The following SEC14L1 variants were observed in gnomAD, a reference collection of about 807,000 sequenced individuals.
SEC14L1 encodes SEC14-like protein 1.
Under a neutral mutation model 85.3 loss-of-function variants are expected in SEC14L1, and 48 were observed. The observed-to-expected ratio is 0.56, with a 90% CI of 0.45 to 0.72. SEC14L1 has a LOEUF of 0.72. Ranked by LOEUF, SEC14L1 falls within the 30% of genes least tolerant of loss-of-function variation. The pLI, the probability that SEC14L1 is intolerant of heterozygous loss-of-function variation, is 0.00. For synonymous variants in SEC14L1, 391 were observed against 355.5 expected (o/e 1.10, Z -1.12); for missense variants, 682 against 921.4 (o/e 0.74, Z 3.36).
upstream of SEC14L1, among the ~76,000 whole-genome samples, chr17:77,137,561 C>T (rs1972834168): frequency 6.6e-6 from 1 of 152,202 alleles, no homozygotes; most frequent in Non-Finnish European, 1.5e-5. Flanking sequence ...GATTACAATT[C>T]AACATGAGAT....
chr17:77,196,601 A>G (rs1975817154), intron 8 of SEC14L1, among the ~76,000 whole-genome samples: 1 of 152,240 alleles, frequency 6.6e-6, no homozygotes, highest in Admixed American at 6.5e-5. Flanking sequence ...TCAAATTTTC[A>G]GAAGGTGTAA....
At chr17:77,186,024 C>T (rs2143767410) in intron 3 of SEC14L1, among the ~76,000 whole-genome samples, 1 of 152,292 alleles carries the variant, frequency 6.6e-6, no homozygotes, top group Admixed American at 6.5e-5. Flanking sequence ...AAAGTAAGAA[C>T]ATTTAAGAAG....
chr17:77,128,382 A>T (rs1972510513), intron 3 of SEC14L1, among the ~76,000 whole-genome samples: 2 of 148,736 alleles, frequency 1.3e-5, no homozygotes, highest in Non-Finnish European at 1.5e-5. Context: ...ATGCATTCAC[A>T]CTTGAGCATT....
intron 3 of SEC14L1, among the ~76,000 whole-genome samples, chr17:77,115,440 AT>A (rs1241988776): frequency 1.3e-5 from 2 of 152,194 alleles, no homozygotes; most frequent in Admixed American, 1.3e-4. Context: ...AAAAAAATAA[AT>A]AAATAAAAAA....
intron 10 of SEC14L1, among the ~76,000 whole-genome samples, chr17:77,204,816 G>A (rs535270105): frequency 6.6e-6 from 1 of 152,260 alleles, no homozygotes; most frequent in East Asian, 1.9e-4. Flanking sequence ...AGATAGGGAT[G>A]GACTTTATCT....
At chr17:77,163,381 C>CT (rs1242617221) in intron 3 of SEC14L1, among the ~76,000 whole-genome samples, 7 of 1,748 alleles carry the variant, frequency 4.0e-3, no homozygotes, top group East Asian at 0.029. Flanking sequence ...TACTGTGACT[C>CT]TAAGACTGGT....
chr17:77,169,528 G>A (rs1358509711), intron 3 of SEC14L1, among the ~76,000 whole-genome samples: 6 of 152,306 alleles, frequency 3.9e-5, no homozygotes, highest in South Asian at 2.1e-4. Flanking sequence ...TTTAATGTGC[G>A]AGCAGAATAT....
intron 3 of SEC14L1, among the ~76,000 whole-genome samples, chr17:77,119,313 A>G (rs1236010479): frequency 1.3e-5 from 2 of 151,810 alleles, no homozygotes; most frequent in Non-Finnish European, 2.9e-5. Context: ...ATCCCAAAAA[A>G]AAAAAAAAAA....
At chr17:77,096,125 GGGCTC>G (rs1398270481) in intron 3 of SEC14L1, among the ~76,000 whole-genome samples, 1 of 150,170 alleles carries the variant, frequency 6.7e-6, no homozygotes, top group Non-Finnish European at 1.5e-5. Flanking sequence ...TTGAACTCCT[GGGCTC>G]AGGTGATCCT....
Position 77,158,798 on chromosome 17 carries a change from C to CTTTTTTTT in SEC14L1, c.63+15165_63+15172dup, listed in dbSNP as rs34186028. On this transcript the variant is annotated intron_variant, in intron 3 of 16. Coordinates refer to ENST00000436233, the MANE Select transcript of SEC14L1 (RefSeq NM_001143998.2). ...CAATTACATTTTATAGCTTTCTTTCCTTTTTTTTTTTTTTTTTTTTTTTTT... is the reference window on the plus strand; with the variant it reads ...CAATTACATTTTATAGCTTTCTTTCCTTTTTTTTTTTTTTTTTTTTTTTTTTTTTTTTT... Among the ~76,000 whole-genome samples the CTTTTTTTT allele has an allele frequency of 2.4e-3, 93 of 39,244 alleles. 22 individuals are homozygous for CTTTTTTTT. Among genetic ancestry groups the CTTTTTTTT allele is most frequent in the Non-Finnish European group, 2.8e-3 (62 of 22,440 alleles). 25.7% of individuals were successfully genotyped at this position (39,244 alleles called of 152,430 possible). A position where few individuals can be genotyped will look rare whatever the true frequency, so the allele number is the denominator to read the frequency against.
intron 3 of SEC14L1, among the ~76,000 whole-genome samples, chr17:77,179,107 C>T (rs984514677): frequency 2.6e-5 from 4 of 152,148 alleles, no homozygotes; most frequent in Non-Finnish European, 5.9e-5. Flanking sequence ...AGTGGGTGTA[C>T]GAATGGAAGA....
Position 77,128,420 on chromosome 17 carries a change from A to T in SEC14L1, c.-135-14226A>T, listed in dbSNP as rs376933789. ...ATTTTATTTTATTTTATTTTATTTT[A>T]TTTTATTTTATTTTATTTTATTTTA... is the stretch of plus-strand genomic sequence containing the variant. On this transcript the variant is annotated intron_variant, in intron 3 of 19. Transcript: ENST00000392476. Among the ~76,000 whole-genome samples the T allele has an allele frequency of 2.0e-3, 106 of 52,208 alleles. 5 individuals carry two copies. The highest frequency in any genetic ancestry group is 2.6e-3 in the South Asian group (4 of 1,538). 34.3% of individuals were successfully genotyped at this position (52,208 alleles called of 152,430 possible). A position where few individuals can be genotyped will look rare whatever the true frequency, so the allele number is the denominator to read the frequency against.
intron 3 of SEC14L1, among the ~76,000 whole-genome samples, chr17:77,148,686 A>T (rs1973421989): frequency 6.6e-6 from 1 of 152,184 alleles, no homozygotes; most frequent in South Asian, 2.1e-4. Context: ...GTTGCAGCGT[A>T]AGCCCCTCCC....
chr17:77,110,774 C>T (rs973412965), intron 3 of SEC14L1, among the ~76,000 whole-genome samples: 5 of 150,304 alleles, frequency 3.3e-5, no homozygotes, highest in African/African-American at 1.2e-4. Flanking sequence ...GTCCCAGCTA[C>T]TCGGGAGGCT....
chr17:77,108,062 A>G (rs936473453), intron 3 of SEC14L1, among the ~76,000 whole-genome samples: 1 of 151,998 alleles, frequency 6.6e-6, no homozygotes, highest in Non-Finnish European at 1.5e-5. Context: ...TGTTTGTGTC[A>G]GTTTTCAGCC....
intron 3 of SEC14L1, 96 bp from the exon 4 acceptor site, chr17:77,190,707 C>A (rs975475757): frequency 1.0e-5 from 13 of 1,281,126 alleles, no homozygotes; most frequent in Middle Eastern, 2.0e-4. Flanking sequence ...TGTTGCCGTG[C>A]ACCGAGAGGT....
rs1976881596 is a variant in SEC14L1 at position 77,213,553 on chromosome 17, G to A, written c.2042+61G>A. On this transcript the variant is annotated intron_variant, in intron 16 of 16. Coordinates refer to ENST00000436233, the MANE Select transcript of SEC14L1 (RefSeq NM_001143998.2). This position sits in a 1 kb window ranked among gnomAD's most constrained non-coding sequence, Gnocchi z 7.1. ...AGCTGGGCATGGTTGGAGGGAGCCTGCAGTCCCACGCCGTGTGCAGGATCA... is the reference window on the plus strand; with the variant it reads ...AGCTGGGCATGGTTGGAGGGAGCCTACAGTCCCACGCCGTGTGCAGGATCA... 6.3e-7 allele frequency: 1 copy of A among 1,575,822 alleles called. No homozygotes were observed. The highest frequency in any genetic ancestry group is 8.6e-7 in the Non-Finnish European group (1 of 1,160,138).
intron 3 of SEC14L1, among the ~76,000 whole-genome samples, chr17:77,184,605 C>G (rs1157017316): frequency 2.0e-5 from 3 of 152,172 alleles, no homozygotes; most frequent in Admixed American, 6.5e-5. Flanking sequence ...CCCATCTGAG[C>G]ACTCCCTTGC....
rs144730449 is a variant in SEC14L1, at chr17:77,202,447, C to T, written c.1010-1123C>T. 7.9e-3 allele frequency among the ~76,000 whole-genome samples: 1,199 copies of T among 152,080 alleles called. 14 individuals carry two copies. Among genetic ancestry groups the T allele is most frequent in the African/African-American group, 0.027 (1,129 of 41,466 alleles). On this transcript the variant is annotated intron_variant, in intron 9 of 16. Coordinates refer to ENST00000436233, the MANE Select transcript of SEC14L1 (RefSeq NM_001143998.2). ...CATCCTGGCCAGCATGGTGAAACCC[C>T]GTCTCTACTAAAAATACAAAAATTA... is the stretch of plus-strand genomic sequence containing the variant.
Sources: allele counts gnomAD v4.1 joint callset (sites outside exome capture counted in the v4.1 genomes callset), GRCh38; gene constraint gnomAD v4.1.1; non-coding constraint Gnocchi (gnomAD v3.1); transcripts MANE v1.5; gene names NCBI Gene and HGNC (gene_info 2026-07-23, HGNC 2026-07-21).